Variants in KLHL32 observed in about 807,000 individuals in gnomAD.
The protein encoded by KLHL32 is kelch like family member 32.
Under a neutral mutation model 64.8 loss-of-function variants are expected in KLHL32, and 35 were observed. The observed-to-expected ratio is 0.54, with a 90% CI of 0.41 to 0.72. KLHL32 has a LOEUF of 0.72. KLHL32 is among the 30% of genes least tolerant of loss of function. The probability of loss-of-function intolerance (pLI) is 0.00; values close to 1 mark genes in which losing one functional copy is unlikely to be tolerated. For missense variants in KLHL32, 589 were observed against 768.5 expected (o/e 0.77, Z 2.76); for synonymous variants, 259 against 281.0 (o/e 0.92, Z 0.78).
intron 3 of KLHL32, among the ~76,000 whole-genome samples, chr6:97,029,670 T>C (rs1420643520): frequency 1.3e-5 from 2 of 152,178 alleles, no homozygotes; most frequent in African/African-American, 2.4e-5. Flanking sequence ...AGGAGGTAAA[T>C]AGTCCAATTT....
chr6:97,015,786 C>T (rs1407113453), intron 3 of KLHL32, among the ~76,000 whole-genome samples: 2 of 152,076 alleles, frequency 1.3e-5, no homozygotes, highest in Non-Finnish European at 2.9e-5. Flanking sequence ...TGGTGGCAGC[C>T]CCTCCCATCA....
the KLHL32 span, among the ~76,000 whole-genome samples, chr6:96,906,757 T>C: frequency 6.6e-6 from 1 of 152,180 alleles, no homozygotes; most frequent in Non-Finnish European, 1.5e-5. Flanking sequence ...ATAAGTATAG[T>C]CATCTATTTT....
At chr6:97,102,280 C>T (rs1271621908) in intron 6 of KLHL32, among the ~76,000 whole-genome samples, 3 of 152,224 alleles carry the variant, frequency 2.0e-5, no homozygotes, top group Non-Finnish European at 4.4e-5. Flanking sequence ...CAGCTGACTT[C>T]ACCCTGGTAA....
intron 2 of KLHL32, among the ~76,000 whole-genome samples, chr6:96,969,908 A>G (rs1360986640): frequency 6.6e-6 from 1 of 152,170 alleles, no homozygotes; most frequent in Non-Finnish European, 1.5e-5. Context: ...CAAACTTAAC[A>G]TGTCCCAAAC....
rs887826097 is a variant in KLHL32 at position 97,084,746 on chromosome 6, G to A, written c.412-380G>A. Among the ~76,000 whole-genome samples the A allele has an allele frequency of 2.0e-5, 3 of 152,060 alleles. No homozygotes were observed. In the East Asian group the frequency reaches 5.8e-4, roughly 29 times the overall value. ...TGAATCGCCATTTACCTGCCCTTAC[G>A]TTATCTTTAGTAGAGAAAAAGCTGT... is the stretch of plus-strand genomic sequence containing the variant. On this transcript the variant is annotated intron_variant, in intron 5 of 10. Transcript: ENST00000369261.
intron 6 of KLHL32, among the ~76,000 whole-genome samples, chr6:97,109,869 A>G (rs1796890812): frequency 6.6e-6 from 1 of 152,272 alleles, no homozygotes; most frequent in Non-Finnish European, 1.5e-5. Context: ...AAGCAATATC[A>G]GCTAGAATTA....
chr6:97,135,429 CTGAG>C (rs1470215667), intron 10 of KLHL32, among the ~76,000 whole-genome samples: 3 of 151,518 alleles, frequency 2.0e-5, no homozygotes, highest in African/African-American at 7.3e-5. Context: ...CCTCAGCCTC[CTGAG>C]TAACTGGGAT....
chr6:96,962,387 T>C (rs763241024), intron 1 of KLHL32, among the ~76,000 whole-genome samples: 1 of 152,118 alleles, frequency 6.6e-6, no homozygotes, highest in Non-Finnish European at 1.5e-5. Flanking sequence ...TGTGAAAAAA[T>C]TGCTGTATTT....
At chr6:96,961,037 A>G (rs966540600) in intron 1 of KLHL32, among the ~76,000 whole-genome samples, 2 of 152,192 alleles carry the variant, frequency 1.3e-5, no homozygotes, top group Non-Finnish European at 2.9e-5. Flanking sequence ...ATGAAGGACA[A>G]GGAAGGGGAT....
chr6:96,978,630 A>C (rs1176366678), intron 3 of KLHL32, among the ~76,000 whole-genome samples: 2 of 152,190 alleles, frequency 1.3e-5, no homozygotes, highest in Non-Finnish European at 2.9e-5. Flanking sequence ...TTTATGGTAG[A>C]ATGATTTGTA....
intron 3 of KLHL32, among the ~76,000 whole-genome samples, chr6:96,999,246 A>G (rs1395060831): frequency 2.0e-5 from 3 of 152,060 alleles, no homozygotes; most frequent in African/African-American, 7.2e-5. Flanking sequence ...AAATTAGAAA[A>G]TTAGCTGGGC....
chr6:97,009,361 G>T (rs1392121561), intron 3 of KLHL32, among the ~76,000 whole-genome samples: 1 of 151,894 alleles, frequency 6.6e-6, no homozygotes, highest in Non-Finnish European at 1.5e-5. Context: ...TTTTTCGCAA[G>T]GCTTTGCTTT....
intron 5 of KLHL32, among the ~76,000 whole-genome samples, chr6:97,080,310 C>T (rs1045240117): frequency 1.3e-5 from 2 of 152,106 alleles, no homozygotes; most frequent in African/African-American, 4.8e-5. Flanking sequence ...CTGATTTGGA[C>T]AAGGTTCAGA....
intron 3 of KLHL32, among the ~76,000 whole-genome samples, chr6:96,982,949 G>C: frequency 6.6e-6 from 1 of 152,236 alleles, no homozygotes; most frequent in Non-Finnish European, 1.5e-5. Context: ...GGGCATCCCT[G>C]TCTTGTGCCA....
intron 1 of KLHL32, among the ~76,000 whole-genome samples, chr6:96,937,040 A>T (rs939804769): frequency 6.6e-6 from 1 of 151,774 alleles, no homozygotes; most frequent in Non-Finnish European, 1.5e-5. Context: ...TTTTCCCCAC[A>T]GCTCTTATCG....
chr6:97,040,861 T>C (rs1785010735), intron 3 of KLHL32, among the ~76,000 whole-genome samples: 1 of 152,194 alleles, frequency 6.6e-6, no homozygotes, highest in Non-Finnish European at 1.5e-5. Flanking sequence ...CCCTCGGCAC[T>C]TCTCCTTTCT....
chr6:96,981,876 G>A (rs1485403601), intron 3 of KLHL32, among the ~76,000 whole-genome samples: 2 of 151,936 alleles, frequency 1.3e-5, no homozygotes, highest in Non-Finnish European at 2.9e-5. Context: ...GATTTTCCTA[G>A]TATTGATTTC....
intron 5 of KLHL32, 30 bp from the exon 6 acceptor site, chr6:97,085,096 C>CT (rs1237564053): frequency 6.3e-6 from 10 of 1,581,536 alleles, no homozygotes; most frequent in Middle Eastern, 2.1e-4. Context: ...TCTAAGAGAT[C>CT]TTTTTTCATT....
Position 97,061,308 on chromosome 6 carries a change from G to T in KLHL32, c.313-3320G>T, listed in dbSNP as rs903937096. On this transcript the variant is annotated intron_variant, in intron 4 of 10. Coordinates refer to ENST00000369261, the MANE Select transcript of KLHL32 (RefSeq NM_052904.4). The stretch of plus-strand genomic sequence containing the variant: ...TAGAGGCAATGCCCAACCTAGTTTG[G>T]CTTCTTTTAGGGTTTCCTTTCCCCC... Among the ~76,000 whole-genome samples the T allele has an allele frequency of 6.6e-5, 10 of 152,142 alleles. 1 individual carries two copies. The highest frequency in any genetic ancestry group is 5.2e-4 in the Admixed American group (8 of 15,276).
Sources: gnomAD v4.1 joint callset for allele counts (sites outside exome capture counted in the v4.1 genomes callset) on GRCh38, gnomAD v4.1.1 for gene constraint, MANE v1.5 for transcripts, NCBI Gene and HGNC (gene_info 2026-07-23, HGNC 2026-07-21) for gene names.